The following DISC1 variants were observed in gnomAD, a reference collection of about 807,000 sequenced individuals.
DISC1 encodes disrupted in schizophrenia 1 protein.
Under a neutral mutation model 84.5 loss-of-function variants are expected in DISC1, and 57 were observed. That is an observed-to-expected ratio of 0.67 (90% confidence interval 0.55 to 0.84). DISC1 has a LOEUF of 0.84. Among genes scored for constraint, DISC1 ranks in the 40% least tolerant of loss-of-function variants. The probability of loss-of-function intolerance (pLI) is 0.00; values close to 1 mark genes in which losing one functional copy is unlikely to be tolerated. For synonymous variants in DISC1, 411 were observed against 415.2 expected (o/e 0.99, Z 0.12); for missense variants, 1,000 against 1,057.8 (o/e 0.95, Z 0.76).
chr1:231,691,573 G>A (rs536372702), intron 1 of DISC1, among the ~76,000 whole-genome samples: 32 of 152,332 alleles, frequency 2.1e-4, no homozygotes, highest in South Asian at 1.2e-3. Flanking sequence ...TTATCTGGAT[G>A]ACTGGTATTT....
chr1:231,696,188 T>C (rs1427304913), intron 2 of DISC1, among the ~76,000 whole-genome samples: 1 of 152,252 alleles, frequency 6.6e-6, no homozygotes, highest in African/African-American at 2.4e-5. Context: ...CTACTGCTAA[T>C]CTGTCTCTCA....
At chr1:231,987,330 A>C (rs1265224886) in intron 10 of DISC1, among the ~76,000 whole-genome samples, 5 of 152,220 alleles carry the variant, frequency 3.3e-5, no homozygotes, top group Non-Finnish European at 7.3e-5. Context: ...CTATTCAGTC[A>C]CATTGCCTTC....
chr1:231,716,234 A>G (rs565022570), intron 3 of DISC1, among the ~76,000 whole-genome samples: 27 of 152,040 alleles, frequency 1.8e-4, no homozygotes, highest in African/African-American at 6.0e-4. Flanking sequence ...TAGCGTGCAG[A>G]AAATAAGATG....
At position 232,034,538 on chromosome 1, in the gene DISC1, A is replaced by G. The variant is rs116035758; in HGVS notation, c.2426-2154A>G. The stretch of plus-strand genomic sequence containing the variant: ...TTGCTTTTGTAACTTCTCACTCCTT[A>G]TTTTTAACCTTTTCAGTGGGTTCTG... On this transcript the variant is annotated intron_variant, in intron 12 of 12. Coordinates refer to ENST00000439617, the MANE Select transcript of DISC1 (RefSeq NM_018662.3). 3.2e-3 allele frequency among the ~76,000 whole-genome samples: 493 copies of G among 152,262 alleles called. 2 individuals are homozygous for G. Among genetic ancestry groups the G allele is most frequent in the African/African-American group, 0.011 (456 of 41,558 alleles).
intron 2 of DISC1, among the ~76,000 whole-genome samples, chr1:231,697,106 T>C (rs1363271400): frequency 2.0e-5 from 3 of 152,214 alleles, no homozygotes; most frequent in Non-Finnish European, 2.9e-5. Flanking sequence ...TGTTTTCCCA[T>C]GGTGCTTACA....
intron 1 of DISC1, among the ~76,000 whole-genome samples, chr1:231,631,723 T>C (rs1384866957): frequency 6.6e-6 from 1 of 151,906 alleles, no homozygotes; most frequent in Non-Finnish European, 1.5e-5. Context: ...GCTGTGTTTT[T>C]ATAAAAAAGT....
chr1:231,847,496 C>G (rs2083543531), intron 9 of DISC1, among the ~76,000 whole-genome samples: 1 of 152,140 alleles, frequency 6.6e-6, no homozygotes, highest in Non-Finnish European at 1.5e-5. Flanking sequence ...TGGTCACACA[C>G]AGAAAATAAT....
intron 7 of DISC1, 56 bp from the exon 8 acceptor site, chr1:231,800,052 G>A (rs1490086881): frequency 1.4e-6 from 2 of 1,381,952 alleles, no homozygotes; most frequent in Non-Finnish European, 2.1e-6. Context: ...CTGTTCCACT[G>A]CCTTCTGATT....
chr1:231,941,476 ATT>A (rs36036497), intron 9 of DISC1, among the ~76,000 whole-genome samples: 33 of 144,498 alleles, frequency 2.3e-4, no homozygotes, highest in East Asian at 8.2e-4. Context: ...TGAAACTTCA[ATT>A]TTTTTTTTTT....
rs938064890 is a variant in DISC1 at position 231,641,053 on chromosome 1, T to C, written c.67+14119T>C. Among the ~76,000 whole-genome samples the C allele has an allele frequency of 5.9e-5, 9 of 152,256 alleles. 1 individual carries two copies. Among genetic ancestry groups the C allele is most frequent in the African/African-American group, 2.2e-4 (9 of 41,466 alleles). On this transcript the variant is annotated intron_variant, in intron 1 of 12. Coordinates refer to ENST00000439617, the MANE Select transcript of DISC1 (RefSeq NM_018662.3). ...TACAAGATGAACTGGACAACTGCTT[T>C]CACTGATAGGCCTGAAGGAAAAGGG...
intron 1 of DISC1, among the ~76,000 whole-genome samples, chr1:231,635,676 C>T (rs2059130957): frequency 6.6e-6 from 1 of 152,178 alleles, no homozygotes; most frequent in Admixed American, 6.5e-5. Flanking sequence ...CATAGATTAA[C>T]CAAGTCTATT....
intron 3 of DISC1, among the ~76,000 whole-genome samples, chr1:231,704,866 G>A (rs2066866331): frequency 1.3e-5 from 2 of 151,560 alleles, no homozygotes; most frequent in Non-Finnish European, 2.9e-5. Flanking sequence ...CATACTGCGA[G>A]CCTGTGAGCC....
At chr1:231,769,729 T>A (rs560435874) in intron 5 of DISC1, among the ~76,000 whole-genome samples, 1 of 152,146 alleles carries the variant, frequency 6.6e-6, no homozygotes, top group Non-Finnish European at 1.5e-5. Context: ...TTAATGCCAC[T>A]GAACTCTACA....
chr1:231,809,513 C>CTT (rs1198274417), intron 8 of DISC1, among the ~76,000 whole-genome samples: 1 of 107,632 alleles, frequency 9.3e-6, no homozygotes. Flanking sequence ...CTCCAAAAGC[C>CTT]TTTTTTTTTT....
At position 232,033,713 on chromosome 1, in the gene DISC1, G is replaced by A. The variant is rs146431133; in HGVS notation, c.2426-2979G>A. On this transcript the variant is annotated intron_variant, in intron 12 of 12. Coordinates refer to ENST00000439617, the MANE Select transcript of DISC1 (RefSeq NM_018662.3). ...TTGAATGAGTGAAAGAAAGAAAGAGGATCTCTCTCTGCACTTTCATTTCTC... is the reference window on the plus strand; with the variant it reads ...TTGAATGAGTGAAAGAAAGAAAGAGAATCTCTCTCTGCACTTTCATTTCTC... Among the ~76,000 whole-genome samples, 645 of 151,594 alleles carry A rather than the reference G, an allele frequency of 4.3e-3. 3 individuals carry two copies. Among genetic ancestry groups the A allele is most frequent in the African/African-American group, 0.015 (610 of 41,346 alleles).
At chr1:231,930,685 G>T (rs1014640200) in intron 9 of DISC1, among the ~76,000 whole-genome samples, 6 of 152,030 alleles carry the variant, frequency 3.9e-5, no homozygotes, top group Non-Finnish European at 8.8e-5. Flanking sequence ...TCCTGAGCAG[G>T]GGGCAGCTGG....
chr1:231,691,229 G>A (rs915094166), intron 1 of DISC1, among the ~76,000 whole-genome samples: 8 of 152,088 alleles, frequency 5.3e-5, no homozygotes, highest in Non-Finnish European at 7.4e-5. Flanking sequence ...TCAGGAGTTC[G>A]AGACCAGCCT....
chr1:231,811,648 C>G (rs1186382417), intron 8 of DISC1, among the ~76,000 whole-genome samples: 2 of 152,120 alleles, frequency 1.3e-5, no homozygotes, highest in African/African-American at 4.8e-5. Flanking sequence ...TGAGGGGTAC[C>G]CCAGGTGAGA....
At chr1:231,764,005 G>T (rs571607851) in intron 4 of DISC1, among the ~76,000 whole-genome samples, 2 of 152,308 alleles carry the variant, frequency 1.3e-5, no homozygotes, top group South Asian at 2.1e-4. Context: ...GAGGCAGTGC[G>T]ACCCTGTGTT....
Sources: allele counts gnomAD v4.1 joint callset (sites outside exome capture counted in the v4.1 genomes callset), GRCh38; gene constraint gnomAD v4.1.1; transcripts MANE v1.5; gene names NCBI Gene and HGNC (gene_info 2026-07-23, HGNC 2026-07-21).